The following COPB2 variants were observed in gnomAD, a reference collection of about 807,000 sequenced individuals.
COPB2 encodes coatomer subunit beta'.
A neutral mutation model predicts 120.8 loss-of-function variants in COPB2; 16 were observed. That is an observed-to-expected ratio of 0.13 (90% confidence interval 0.09 to 0.20). The LOEUF is 0.20. COPB2 is among the 10% of genes least tolerant of loss of function. The probability of loss-of-function intolerance (pLI) is 1.00; values close to 1 mark genes in which losing one functional copy is unlikely to be tolerated. For synonymous variants in COPB2, 332 were observed against 366.3 expected, an observed-to-expected ratio of 0.91 and a Z score of 1.07; for missense variants, 794 against 1,076.5, an observed-to-expected ratio of 0.74 and a Z score of 3.67.
rs765067777 is a variant in COPB2, at chr3:139,366,714, A to G, written c.1738T>C (p.Leu580=). The G allele has an allele frequency of 1.4e-5, 22 of 1,614,016 alleles. No homozygotes were observed. Among genetic ancestry groups the G allele is most frequent in the Non-Finnish European group, 1.7e-5 (20 of 1,180,004 alleles). Reference sequence around the variant, plus strand: ...AGCAGGGAATAGCTAATGATGTTCAATTCTTTATCCCCCAGATAAAGCCTG... The same window carrying G: ...AGCAGGGAATAGCTAATGATGTTCAGTTCTTTATCCCCCAGATAAAGCCTG... The part of the protein sequence containing the change: ...DNRLYLGDKE[L]NIISYSLLVS... The change falls in exon 15 of 22, where the codon TTG becomes CTG. Residue 580 remains leucine, a synonymous_variant. Coordinates refer to ENST00000333188, the MANE Select transcript of COPB2 (RefSeq NM_004766.3).
At chr3:139,364,785 C>G (rs1350656826) in intron 15 of COPB2, among the ~76,000 whole-genome samples, 1 of 152,196 alleles carries the variant, frequency 6.6e-6, no homozygotes, top group East Asian at 1.9e-4. Context: ...ATGCCCCACC[C>G]ACAAATTCAG....
chr3:139,373,138 CAA>C (rs1941650807), intron 9 of COPB2, 73 bp downstream of exon 9: 3 of 1,439,350 alleles, frequency 2.1e-6, no homozygotes, highest in Non-Finnish European at 2.9e-6. Context: ...AACCACAGGG[CAA>C]GAGTGGACTG....
intron 1 of COPB2, among the ~76,000 whole-genome samples, chr3:139,388,562 G>T (rs574898690): frequency 6.6e-6 from 1 of 151,290 alleles, no homozygotes; most frequent in South Asian, 2.1e-4. Context: ...TTTAACTTAA[G>T]ATGAGGGACT....
intron 16 of COPB2, among the ~76,000 whole-genome samples, chr3:139,361,796 G>A (rs1005431017): frequency 6.6e-6 from 1 of 152,212 alleles, no homozygotes; most frequent in Admixed American, 6.5e-5. Flanking sequence ...GTAAATGCCA[G>A]TCTGAAACAA....
chr3:139,386,539 C>A (rs1400278572), intron 1 of COPB2, among the ~76,000 whole-genome samples: 2 of 152,126 alleles, frequency 1.3e-5, no homozygotes, highest in Admixed American at 6.5e-5. Context: ...ACTTTCAAAT[C>A]ATCATCTTAA....
chr3:139,375,104 C>T (rs1006042393), intron 6 of COPB2, among the ~76,000 whole-genome samples: 2 of 152,078 alleles, frequency 1.3e-5, no homozygotes, highest in African/African-American at 4.8e-5. Flanking sequence ...AACAAGAATT[C>T]ATAACTAGGT....
intron 2 of COPB2, chr3:139,382,411 GA>G (rs1295273824): frequency 3.3e-5 from 5 of 152,330 alleles, no homozygotes; most frequent in Non-Finnish European, 7.3e-5. Context: ...GTGGAACTGT[GA>G]GTCAATTAAA....
At chr3:139,388,702 T>C (rs1162627084) in intron 1 of COPB2, among the ~76,000 whole-genome samples, 1 of 149,304 alleles carries the variant, frequency 6.7e-6, no homozygotes, top group Non-Finnish European at 1.5e-5. Context: ...CTCGGCTCAC[T>C]GCAGCCTCTG....
chr3:139,362,655 C>T (rs1406267027), intron 15 of COPB2, 138 bp from the exon 16 acceptor site: 1 of 364,132 alleles, frequency 2.7e-6, no homozygotes, highest in African/African-American at 2.1e-5. Context: ...CTAGAAACCC[C>T]ACTATTTAAT....
In COPB2 at chr3:139,368,307, A is replaced by G. The variant is rs2107801101; in HGVS notation, c.1402-19T>C. ...AGAAAATCTGCAACACAACAAAATCATAGACAACTGATTTGGATTTCTGAG... is the reference window on the plus strand; with the variant it reads ...AGAAAATCTGCAACACAACAAAATCGTAGACAACTGATTTGGATTTCTGAG... On this transcript the variant is annotated intron_variant, in intron 12 of 21. Transcript: ENST00000333188. 1 of 1,600,964 alleles carries G rather than the reference A, an allele frequency of 6.2e-7. No individual in the cohort carries two copies. The highest frequency in any genetic ancestry group is 2.2e-5 in the East Asian group (1 of 44,452).
chr3:139,383,783 T>C (rs1331031825), intron 1 of COPB2, among the ~76,000 whole-genome samples: 1 of 145,458 alleles, frequency 6.9e-6, no homozygotes, highest in Non-Finnish European at 1.5e-5. Context: ...TTAAAATATT[T>C]ATATATTAAT....
intron 6 of COPB2, 62 bp downstream of exon 6, chr3:139,375,406 T>A: frequency 6.5e-7 from 1 of 1,544,750 alleles, no homozygotes; most frequent in East Asian, 2.3e-5. Flanking sequence ...GTCTTAACTG[T>A]CCTATAAGAA....
rs1560011768 is a variant in COPB2 at position 139,359,179 on chromosome 3, CTA to C, written c.2304-3_2304-2del. ...ATTCTCTCTCCAGAGTTTCACTACCCTATTATAGACATCATGGAACCAAAGAG... is the reference window on the plus strand; with the variant it reads ...ATTCTCTCTCCAGAGTTTCACTACCCTTATAGACATCATGGAACCAAAGAG... On this transcript the variant is annotated splice_acceptor_variant and splice_polypyrimidine_tract_variant and intron_variant, in intron 18 of 21. Coordinates refer to ENST00000333188, the MANE Select transcript of COPB2 (RefSeq NM_004766.3). LOFTEE classifies it high-confidence loss of function. 6.2e-7 allele frequency: 1 copy of C among 1,612,716 alleles called. No homozygotes were observed. The highest frequency in any genetic ancestry group is 1.7e-5 in the Admixed American group (1 of 59,762).
rs1249889085 is a variant in COPB2, at chr3:139,361,365, T to C, written c.1996-70A>G. On this transcript the variant is annotated intron_variant, in intron 16 of 21. Transcript: ENST00000333188. The stretch of plus-strand genomic sequence containing the variant: ...CATTTACATTTCCAACATTATTCTG[T>C]TAACTGTGCAGACAATGTTTATAAA... 9.7e-6 allele frequency: 14 copies of C among 1,445,296 alleles called. No individual in the cohort carries two copies. The East Asian group carries it at 3.0e-4, about 31-fold the overall frequency. The allele number at this position is 1,445,296 out of a possible 1,614,324, so 89.5% of individuals were successfully genotyped here. A position where few individuals can be genotyped will look rare whatever the true frequency, so the allele number is the denominator to read the frequency against.
intron 5 of COPB2, among the ~76,000 whole-genome samples, chr3:139,376,786 G>A (rs923778523): frequency 1.3e-5 from 2 of 152,206 alleles, no homozygotes; most frequent in African/African-American, 4.8e-5. Flanking sequence ...GTCTCGCTCT[G>A]TCCCCCAAGT....
intron 1 of COPB2, among the ~76,000 whole-genome samples, chr3:139,383,879 T>G (rs774237265): frequency 4.6e-5 from 7 of 152,176 alleles, no homozygotes; most frequent in Non-Finnish European, 1.0e-4. Context: ...TTCAAAAAAT[T>G]TAGTGAAAAG....
chr3:139,383,261 G>GT (rs1201417609), intron 2 of COPB2, 37 bp downstream of exon 2: 2 of 1,600,520 alleles, frequency 1.2e-6, no homozygotes, highest in African/African-American at 2.7e-5. Flanking sequence ...GTCTCACATA[G>GT]TATTTTATTT....
intron 19 of COPB2, 73 bp downstream of exon 19, chr3:139,358,925 C>A: frequency 6.3e-7 from 1 of 1,582,476 alleles, no homozygotes; most frequent in South Asian, 1.1e-5. Context: ...GACAGCAGTT[C>A]AAAATCTGAA....
At chr3:139,374,125 A>T in intron 7 of COPB2, 1 of 432,450 alleles carries the variant, frequency 2.3e-6, no homozygotes, top group Admixed American at 3.9e-5. Context: ...TATGAAGCAG[A>T]TATATATGTT....
Sources: gnomAD v4.1 joint callset for allele counts (sites outside exome capture counted in the v4.1 genomes callset) on GRCh38, gnomAD v4.1.1 for gene constraint, MANE v1.5 for transcripts, NCBI Gene and HGNC (gene_info 2026-07-23, HGNC 2026-07-21) for gene names.